Variants in IGF2BP3 observed in about 807,000 individuals in gnomAD.
IGF2BP3 encodes insulin like growth factor 2 mRNA binding protein 3, also known as insulin-like growth factor 2 mRNA-binding protein 3.
IGF2BP3 carries 9 observed loss-of-function variants against 73.8 expected under a neutral mutation model. The observed-to-expected ratio is 0.12, with a 90% CI of 0.07 to 0.21. The LOEUF (loss-of-function observed/expected upper bound fraction) is 0.21. Ranked by LOEUF, IGF2BP3 falls within the 10% of genes least tolerant of loss-of-function variation. The pLI is 1.00. For synonymous variants in IGF2BP3, 258 were observed against 256.7 expected, an observed-to-expected ratio of 1.01 and a Z score of -0.05; for missense variants, 542 against 714.0, an observed-to-expected ratio of 0.76 and a Z score of 2.75.
chr7:23,408,957 C>T (rs1786931218), intron 3 of IGF2BP3, among the ~76,000 whole-genome samples: 1 of 147,540 alleles, frequency 6.8e-6, no homozygotes. Flanking sequence ...ACAATTTTTC[C>T]ACGGACAGAG....
intron 2 of IGF2BP3, among the ~76,000 whole-genome samples, chr7:23,454,872 A>G (rs1344575836): frequency 1.3e-5 from 2 of 152,230 alleles, no homozygotes; most frequent in Non-Finnish European, 2.9e-5. Flanking sequence ...AACCAGCACC[A>G]TTGATTGTCT....
chr7:23,392,466 A>C (rs906839725), intron 3 of IGF2BP3, among the ~76,000 whole-genome samples: 2 of 150,732 alleles, frequency 1.3e-5, no homozygotes, highest in African/African-American at 4.9e-5. Context: ...ACACACACAT[A>C]TATATGTATA....
intron 12 of IGF2BP3, 22 bp downstream of exon 12, chr7:23,317,617 G>A (rs1243343925): frequency 1.3e-6 from 2 of 1,597,182 alleles, no homozygotes; most frequent in Non-Finnish European, 1.7e-6. Flanking sequence ...TGTGGACATA[G>A]CACATACTCT....
chr7:23,333,104 A>C (rs903652909), intron 10 of IGF2BP3, among the ~76,000 whole-genome samples: 5 of 152,244 alleles, frequency 3.3e-5, no homozygotes, highest in African/African-American at 7.2e-5. Context: ...AAATACACAT[A>C]ATCTGTAAAG....
intron 2 of IGF2BP3, among the ~76,000 whole-genome samples, chr7:23,428,214 G>A (rs930357606): frequency 2.0e-5 from 3 of 152,042 alleles, no homozygotes; most frequent in Non-Finnish European, 4.4e-5. Context: ...GCTCATGCCT[G>A]TAATCCCAGC....
chr7:23,314,441 C>T (rs903842551), intron 12 of IGF2BP3, among the ~76,000 whole-genome samples: 1 of 151,888 alleles, frequency 6.6e-6, no homozygotes, highest in Non-Finnish European at 1.5e-5. Context: ...CCACCTCAGC[C>T]TTCCAAAAGT....
At chr7:23,456,431 G>T (rs987344857) in intron 2 of IGF2BP3, among the ~76,000 whole-genome samples, 2 of 152,170 alleles carry the variant, frequency 1.3e-5, no homozygotes, top group Non-Finnish European at 2.9e-5. Context: ...AGTTTCCTCC[G>T]CAAGAAACTA....
chr7:23,334,085 C>G (rs1279730595), intron 10 of IGF2BP3, among the ~76,000 whole-genome samples: 2 of 152,122 alleles, frequency 1.3e-5, no homozygotes, highest in Non-Finnish European at 2.9e-5. Context: ...CCTGTACTCC[C>G]AGCACTTTGG....
At chr7:23,337,917 A>T (rs1253118028) in intron 10 of IGF2BP3, among the ~76,000 whole-genome samples, 1 of 152,220 alleles carries the variant, frequency 6.6e-6, no homozygotes, top group African/African-American at 2.4e-5. Context: ...ATGGCACACA[A>T]GGCAGATAGA....
intron 3 of IGF2BP3, among the ~76,000 whole-genome samples, chr7:23,382,118 C>G (rs993579184): frequency 1.3e-5 from 2 of 152,110 alleles, no homozygotes; most frequent in African/African-American, 4.8e-5. Context: ...TGGTGACACA[C>G]CCCTGTGGTC....
At chr7:23,315,782 G>A (rs1783973566) in intron 12 of IGF2BP3, among the ~76,000 whole-genome samples, 1 of 152,128 alleles carries the variant, frequency 6.6e-6, no homozygotes, top group Admixed American at 6.5e-5. Flanking sequence ...GAAAAATACG[G>A]GGTAGGTGGT....
chr7:23,357,812 G>A (rs1785132410), intron 5 of IGF2BP3, among the ~76,000 whole-genome samples: 1 of 152,214 alleles, frequency 6.6e-6, no homozygotes, highest in African/African-American at 2.4e-5. Context: ...CAAGGTGGCA[G>A]GAATTTCCAC....
Position 23,327,072 on chromosome 7 carries a change from A to AATT in IGF2BP3, c.1204-7819_1204-7818insAAT, listed in dbSNP as rs1562674428. Among the ~76,000 whole-genome samples the AATT allele has an allele frequency of 8.7e-5, 13 of 148,606 alleles. No individual in the cohort carries two copies. The East Asian group carries it at 9.9e-4, about 11-fold the overall frequency. On this transcript the variant is annotated intron_variant, in intron 10 of 14. Transcript: ENST00000258729. ...CCCTAAAACTTAAAGTATAATAAAT[A>AATT]AATTAATTAATTAATTAATTAAAAA...
intron 3 of IGF2BP3, among the ~76,000 whole-genome samples, chr7:23,388,700 A>T (rs1786170405): frequency 6.6e-6 from 1 of 150,498 alleles, no homozygotes; most frequent in African/African-American, 2.4e-5. Context: ...GCCTTTAGTT[A>T]AAGTAAGGAA....
intron 10 of IGF2BP3, among the ~76,000 whole-genome samples, chr7:23,335,116 C>T (rs944832814): frequency 7.7e-6 from 1 of 130,554 alleles, no homozygotes; most frequent in Non-Finnish European, 1.6e-5. Context: ...AGTTTTTCAC[C>T]ATAACTAGAT....
At chr7:23,443,486 G>A (rs1390996928) in intron 2 of IGF2BP3, among the ~76,000 whole-genome samples, 3 of 151,868 alleles carry the variant, frequency 2.0e-5, no homozygotes, top group Non-Finnish European at 4.4e-5. Flanking sequence ...GCCAACATTG[G>A]GAAACCCCAT....
intron 12 of IGF2BP3, among the ~76,000 whole-genome samples, chr7:23,314,602 T>C (rs1302420838): frequency 6.6e-6 from 1 of 151,784 alleles, no homozygotes; most frequent in Non-Finnish European, 1.5e-5. Flanking sequence ...CCACCACACC[T>C]GGTCACATTT....
chr7:23,375,240 C>G (rs962888339), intron 3 of IGF2BP3, among the ~76,000 whole-genome samples: 1 of 152,148 alleles, frequency 6.6e-6, no homozygotes, highest in South Asian at 2.1e-4. Flanking sequence ...TACCCTCCCC[C>G]ACCACCCCAA....
chr7:23,431,639 G>GGA (rs542174788), intron 2 of IGF2BP3, among the ~76,000 whole-genome samples: 24 of 146,096 alleles, frequency 1.6e-4, no homozygotes, highest in African/African-American at 6.1e-4. Flanking sequence ...AAGGAAGGGG[G>GGA]AAAAAAAAAA....
Sources: allele counts gnomAD v4.1 joint callset (sites outside exome capture counted in the v4.1 genomes callset), GRCh38; gene constraint gnomAD v4.1.1; transcripts MANE v1.5; gene names NCBI Gene and HGNC (gene_info 2026-07-23, HGNC 2026-07-21).